The following DRC4 variants were observed in gnomAD, a reference collection of about 807,000 sequenced individuals.
DRC4 encodes dynein regulatory complex subunit 4.
At chr16:90,037,764 C>T in the DRC4 span, 1 of 1,613,814 alleles carries the variant, frequency 6.2e-7, no homozygotes, top group African/African-American at 1.3e-5. Flanking sequence ...TCCTCCAGTG[C>T]ACAAAAGCCC....
At chr16:90,035,155 G>A in the DRC4 span, among the ~76,000 whole-genome samples, 10 of 151,956 alleles carry the variant, frequency 6.6e-5, no homozygotes, top group Non-Finnish European at 1.5e-4. Flanking sequence ...TGTCCAGCTC[G>A]GCCTCCCAAA....
the DRC4 span, chr16:90,020,086 G>A: frequency 1.6e-6 from 1 of 641,568 alleles, no homozygotes. Flanking sequence ...CTGCTTCTCT[G>A]TCCTCATTCA....
chr16:90,019,800 G>A, the DRC4 span: 4 of 688,574 alleles, frequency 5.8e-6, no homozygotes, highest in Non-Finnish European at 1.1e-5. The surrounding 1 kb of genome is among the most constrained non-coding windows in gnomAD (Gnocchi z 6.1). Context: ...ACTGTGTGCG[G>A]GCGCCCCTCG....
the DRC4 span, chr16:90,029,463 C>G: frequency 1.8e-6 from 1 of 549,870 alleles, no homozygotes; most frequent in Non-Finnish European, 3.0e-6. Flanking sequence ...ATGGCAAAAT[C>G]TCAACACCAT....
the DRC4 span, chr16:90,042,398 G>A: frequency 7.9e-7 from 1 of 1,264,822 alleles, no homozygotes; most frequent in South Asian, 1.2e-5. Context: ...ACGCCCACTG[G>A]AGTCCCCAGG....
At chr16:90,043,785 G>T in the DRC4 span, 1 of 471,274 alleles carries the variant, frequency 2.1e-6, no homozygotes. Flanking sequence ...TCTCCAGGGG[G>T]CCGGGACTTC....
At chr16:90,033,036 G>A in the DRC4 span, 1 of 1,061,938 alleles carries the variant, frequency 9.4e-7, no homozygotes, top group African/African-American at 1.6e-5. Flanking sequence ...TTCTGCATAA[G>A]ACTTTCTGCA....
chr16:90,044,252 T>C, the DRC4 span: 1 of 451,164 alleles, frequency 2.2e-6, no homozygotes, highest in Non-Finnish European at 4.4e-6. Flanking sequence ...AAAGAGGGGA[T>C]GAATCACCCT....
the DRC4 span, among the ~76,000 whole-genome samples, chr16:90,037,596 C>T: frequency 1.3e-5 from 2 of 152,186 alleles, no homozygotes; most frequent in Non-Finnish European, 2.9e-5. Context: ...CCCTCATCTT[C>T]ACCACGTGCT....
chr16:90,040,510 G>A, the DRC4 span: 3 of 1,594,912 alleles, frequency 1.9e-6, no homozygotes, highest in Non-Finnish European at 2.6e-6. Flanking sequence ...CAAGCTGGAG[G>A]TAGGCCCTAG....
the DRC4 span, chr16:90,043,152 A>C: frequency 5.1e-6 from 8 of 1,576,928 alleles, no homozygotes; most frequent in Non-Finnish European, 6.9e-6. Context: ...GGTGGTCCTG[A>C]GCGTGGGGAC....
At chr16:90,037,006 A>G in the DRC4 span, 1 of 588,280 alleles carries the variant, frequency 1.7e-6, no homozygotes, top group East Asian at 2.9e-5. Flanking sequence ...AATCTTGAAC[A>G]AAGTATAGTC....
At chr16:90,040,115 G>C in the DRC4 span, 2 of 631,888 alleles carry the variant, frequency 3.2e-6, no homozygotes, top group Non-Finnish European at 5.7e-6. Context: ...CCACTGCGTG[G>C]ATGGCTCTAC....
At chr16:90,032,823 C>T in the DRC4 span, 73 of 1,613,882 alleles carry the variant, frequency 4.5e-5, no homozygotes, top group South Asian at 2.9e-4. Context: ...GAAAGAGCAC[C>T]GCATACAGGA....
the DRC4 span, among the ~76,000 whole-genome samples, chr16:90,042,048 A>T: frequency 6.6e-6 from 1 of 151,818 alleles, no homozygotes; most frequent in African/African-American, 2.4e-5. Flanking sequence ...AGCAATTCTC[A>T]TGCCTCAGCC....
At chr16:90,035,465 CACG>C in the DRC4 span, among the ~76,000 whole-genome samples, 1 of 152,138 alleles carries the variant, frequency 6.6e-6, no homozygotes, top group Non-Finnish European at 1.5e-5. Flanking sequence ...GTTCAGTGCT[CACG>C]ACGTCTGTTC....
the DRC4 span, chr16:90,043,261 C>T: frequency 7.0e-5 from 113 of 1,613,670 alleles, 1 homozygote; most frequent in South Asian, 7.6e-4. Context: ...CTCTGGACAA[C>T]GTGGGCTTCA....
At chr16:90,038,443 C>T in the DRC4 span, among the ~76,000 whole-genome samples, 120 of 152,336 alleles carry the variant, frequency 7.9e-4, no homozygotes, top group Non-Finnish European at 1.4e-3. Flanking sequence ...GTTTTGTGAA[C>T]GTTTGATCAT....
the DRC4 span, among the ~76,000 whole-genome samples, chr16:90,031,717 T>C: frequency 6.6e-6 from 1 of 152,214 alleles, no homozygotes; most frequent in Non-Finnish European, 1.5e-5. Flanking sequence ...GGGGGCAGAC[T>C]GGCCTGTTTG....
Sources: gnomAD v4.1 joint callset for allele counts (sites outside exome capture counted in the v4.1 genomes callset) on GRCh38, gnomAD v4.1.1 for gene constraint, Gnocchi (gnomAD v3.1) non-coding constraint, MANE v1.5 for transcripts, NCBI Gene and HGNC (gene_info 2026-07-23, HGNC 2026-07-21) for gene names.